The following SGCD variants were observed in gnomAD, a reference collection of about 807,000 sequenced individuals.
The protein encoded by SGCD is delta-sarcoglycan.
Under a neutral mutation model 36.6 loss-of-function variants are expected in SGCD, and 18 were observed. The ratio of observed to expected loss-of-function variants is 0.49; its 90% CI spans 0.34 to 0.73. SGCD has a LOEUF of 0.73. SGCD is among the 30% of genes least tolerant of loss of function. The pLI, the probability that SGCD is intolerant of heterozygous loss-of-function variation, is 0.01. For synonymous variants in SGCD, 133 were observed against 130.6 expected (o/e 1.02, Z -0.12); for missense variants, 387 against 346.7 (o/e 1.12, Z -0.92).
chr5:155,729,422 T>A, the SGCD span, among the ~76,000 whole-genome samples: 10 of 152,236 alleles, frequency 6.6e-5, no homozygotes, highest in South Asian at 1.0e-3. Flanking sequence ...AGTGTGTGTG[T>A]GAGAGAGAAA....
At position 156,491,056 on chromosome 5, in the gene SGCD, T is replaced by C. The variant is rs902157330; in HGVS notation, c.193-17545T>C. Among the ~76,000 whole-genome samples, 13 of 151,802 alleles carry C rather than the reference T, an allele frequency of 8.6e-5. No homozygotes were observed. In the East Asian group the frequency reaches 2.3e-3, roughly 27 times the overall value. ...TTCTAAACACCAATAGAAAACTAGC[T>C]GAAAAAGAAATGAAGCAGTCTCATT... On this transcript the variant is annotated intron_variant, in intron 3 of 8. Transcript: ENST00000337851.
At chr5:156,529,720 C>CT (rs1757805217) in intron 4 of SGCD, among the ~76,000 whole-genome samples, 1 of 152,222 alleles carries the variant, frequency 6.6e-6, no homozygotes, top group East Asian at 1.9e-4. Flanking sequence ...GCTGAAAAAA[C>CT]TTTTTTGCCA....
In SGCD at chr5:156,050,664, A is replaced by G. The variant is rs576473449; in HGVS notation, c.-281-67214A>G. Among the ~76,000 whole-genome samples, 27 of 146,708 alleles carry G rather than the reference A, an allele frequency of 1.8e-4. 3 individuals are homozygous for G. The highest frequency in any genetic ancestry group is 5.6e-4 in the African/African-American group (23 of 40,838). ...TGGCTTAAAACAACATATATTTATTATCTTGCAGTTCTGGAGGTCAGAAGT... is the reference window on the plus strand; with the variant it reads ...TGGCTTAAAACAACATATATTTATTGTCTTGCAGTTCTGGAGGTCAGAAGT... On this transcript the variant is annotated intron_variant, in intron 1 of 9. Transcript: ENST00000517913.
At chr5:156,092,762 G>A (rs1761276133) in intron 1 of SGCD, among the ~76,000 whole-genome samples, 1 of 152,178 alleles carries the variant, frequency 6.6e-6, no homozygotes, top group African/African-American at 2.4e-5. Flanking sequence ...TTAATTTATA[G>A]CAGGTCATAT....
At chr5:156,518,379 C>G (rs1429866829) in intron 4 of SGCD, among the ~76,000 whole-genome samples, 1 of 152,144 alleles carries the variant, frequency 6.6e-6, no homozygotes, top group Non-Finnish European at 1.5e-5. Context: ...GACTCCCACA[C>G]AATAATAGTG....
intron 4 of SGCD, among the ~76,000 whole-genome samples, chr5:156,530,289 A>T (rs963945661): frequency 6.6e-6 from 1 of 152,210 alleles, no homozygotes; most frequent in African/African-American, 2.4e-5. Context: ...TTTAAAAATA[A>T]GAGAGGAATA....
intron 3 of SGCD, among the ~76,000 whole-genome samples, chr5:156,243,033 G>A (rs1765343266): frequency 6.6e-6 from 1 of 152,218 alleles, no homozygotes; most frequent in Admixed American, 6.5e-5. Context: ...ACGTCTGAGG[G>A]TGGTGCATGA....
At chr5:156,560,027 A>T (rs763469061) in intron 4 of SGCD, among the ~76,000 whole-genome samples, 6 of 152,194 alleles carry the variant, frequency 3.9e-5, no homozygotes, top group Non-Finnish European at 8.8e-5. Context: ...ATGGTAATGG[A>T]GGTCAGAGGT....
At chr5:156,140,766 G>A (rs1762561152) in intron 3 of SGCD, among the ~76,000 whole-genome samples, 1 of 152,152 alleles carries the variant, frequency 6.6e-6, no homozygotes, top group South Asian at 2.1e-4. Flanking sequence ...AGCATGTTTA[G>A]GAGAGAAAAC....
intron 3 of SGCD, among the ~76,000 whole-genome samples, chr5:156,253,777 G>C (rs1341121501): frequency 6.6e-6 from 1 of 152,080 alleles, no homozygotes; most frequent in African/African-American, 2.4e-5. Context: ...CTAGCTGAAA[G>C]TCCAGGTTCA....
intron 1 of SGCD, among the ~76,000 whole-genome samples, chr5:155,918,849 TCTC>T (rs1384949378): frequency 1.3e-5 from 2 of 152,180 alleles, no homozygotes; most frequent in Non-Finnish European, 1.5e-5. Flanking sequence ...TCTTCCCCCT[TCTC>T]CTCCATATGT....
intron 4 of SGCD, among the ~76,000 whole-genome samples, chr5:156,584,080 T>TA (rs1760393045): frequency 6.6e-6 from 1 of 152,206 alleles, no homozygotes; most frequent in African/African-American, 2.4e-5. Context: ...ACATCAAAAT[T>TA]AAACATTTCT....
At chr5:155,980,748 T>C (rs965584928) in intron 1 of SGCD, among the ~76,000 whole-genome samples, 7 of 151,916 alleles carry the variant, frequency 4.6e-5, no homozygotes, top group African/African-American at 9.7e-5. Flanking sequence ...TAAAAGGCGA[T>C]GTTAAACACA....
intron 1 of SGCD, among the ~76,000 whole-genome samples, chr5:156,111,633 C>CTAGT: frequency 1.3e-5 from 2 of 151,468 alleles, no homozygotes; most frequent in Admixed American, 6.6e-5. Context: ...ATATGAGAGG[C>CTAGT]CCTGATGTGT....
At chr5:156,458,445 G>T in intron 3 of SGCD, 1 of 1,610,462 alleles carries the variant, frequency 6.2e-7, no homozygotes, top group African/African-American at 1.3e-5. Flanking sequence ...GTCAAACCCT[G>T]ATTCCCATCC....
intron 1 of SGCD, among the ~76,000 whole-genome samples, chr5:155,994,999 T>A (rs1006969373): frequency 1.6e-4 from 24 of 152,310 alleles, no homozygotes; most frequent in Middle Eastern, 6.8e-3. Context: ...CGTCTGTCCG[T>A]GTACCCAACC....
intron 3 of SGCD, among the ~76,000 whole-genome samples, chr5:156,399,789 G>C (rs1049366082): frequency 2.6e-5 from 4 of 152,060 alleles, no homozygotes; most frequent in African/African-American, 9.7e-5. Context: ...CTTCCTTACT[G>C]GACTGTACAT....
rs1760008916 is a variant in SGCD, at chr5:156,054,459, G to A, written c.-281-63419G>A. ...CGCCACCACGCCTGGCTAATTTTTTGTATTTTTAGTAGAGACGGCGTTTCA... is the reference window on the plus strand; with the variant it reads ...CGCCACCACGCCTGGCTAATTTTTTATATTTTTAGTAGAGACGGCGTTTCA... On this transcript the variant is annotated intron_variant, in intron 1 of 9. Coordinates refer to the SGCD transcript ENST00000517913. 2.1e-5 allele frequency among the ~76,000 whole-genome samples: 3 copies of A among 144,786 alleles called. 1 individual carries two copies. The highest frequency in any genetic ancestry group is 4.7e-5 in the Non-Finnish European group (3 of 64,408). 95.0% of individuals were successfully genotyped at this position (144,786 alleles called of 152,430 possible).
intron 7 of SGCD, among the ~76,000 whole-genome samples, chr5:156,702,197 G>A (rs1054257624): frequency 6.6e-6 from 1 of 152,094 alleles, no homozygotes; most frequent in Non-Finnish European, 1.5e-5. Context: ...TGTTGACTTA[G>A]TACTTTAACT....
Sources: gnomAD v4.1 joint callset for allele counts (sites outside exome capture counted in the v4.1 genomes callset) on GRCh38, gnomAD v4.1.1 for gene constraint, MANE v1.5 for transcripts, NCBI Gene and HGNC (gene_info 2026-07-23, HGNC 2026-07-21) for gene names.